RBMS1: variants seen among roughly 807,000 people sequenced by gnomAD.
RBMS1 encodes the protein RNA-binding motif, single-stranded-interacting protein 1.
Under a neutral mutation model 62.3 loss-of-function variants are expected in RBMS1, and 17 were observed. The observed-to-expected ratio is 0.27, with a 90% CI of 0.19 to 0.41. The LOEUF (loss-of-function observed/expected upper bound fraction) is 0.41. Among genes scored for constraint, RBMS1 ranks in the 10% least tolerant of loss-of-function variants. RBMS1 has a pLI of 1.00. For synonymous variants in RBMS1, 172 were observed against 170.0 expected (o/e 1.01, Z -0.09); for missense variants, 334 against 504.5 (o/e 0.66, Z 3.24).
At chr2:160,440,426 T>C (rs533852761) in intron 1 of RBMS1, among the ~76,000 whole-genome samples, 11 of 152,188 alleles carry the variant, frequency 7.2e-5, no homozygotes, top group African/African-American at 9.6e-5. Context: ...TACCAACTGA[T>C]CTTTCATCCA....
At chr2:160,448,123 A>G (rs1379285665) in intron 1 of RBMS1, among the ~76,000 whole-genome samples, 2 of 152,228 alleles carry the variant, frequency 1.3e-5, no homozygotes, top group Non-Finnish European at 2.9e-5. Flanking sequence ...AATTATCTTT[A>G]TATCCTTTTA....
At chr2:160,358,422 C>A (rs542779667) in intron 2 of RBMS1, among the ~76,000 whole-genome samples, 2 of 152,204 alleles carry the variant, frequency 1.3e-5, no homozygotes, top group South Asian at 4.1e-4. Flanking sequence ...TTGGTCTAAG[C>A]CCTCATTGTG....
chr2:160,401,351 ATTAAGTG>A (rs1324840623), intron 1 of RBMS1, among the ~76,000 whole-genome samples: 2 of 152,326 alleles, frequency 1.3e-5, no homozygotes, highest in South Asian at 2.1e-4. Flanking sequence ...CTGTCGTTAT[ATTAAGTG>A]TTAAGTCCCA....
At chr2:160,395,468 C>G (rs1695087451) in intron 1 of RBMS1, among the ~76,000 whole-genome samples, 1 of 151,866 alleles carries the variant, frequency 6.6e-6, no homozygotes, top group Non-Finnish European at 1.5e-5. Context: ...ACTAAAAATA[C>G]AAAAAATTAG....
Position 160,493,548 on chromosome 2 carries a change from C to CTCT in RBMS1, c.-186_-185insAGA. 1.7e-6 allele frequency: 1 copy of CTCT among 602,828 alleles called. No homozygotes were observed. Among genetic ancestry groups the CTCT allele is most frequent in the Non-Finnish European group, 2.9e-6 (1 of 341,946 alleles). The allele number at this position is 602,828 out of a possible 1,614,324, so 37.3% of individuals were successfully genotyped here. ...CCTCCTCCTCCTCCTCCTCTTCCTCCTCCTCCTCCTCCTCCTCCTCCTCTT... is the reference window on the plus strand; with the variant it reads ...CCTCCTCCTCCTCCTCCTCTTCCTCCTCTTCCTCCTCCTCCTCCTCCTCCTCTT... On this transcript the variant is annotated 5_prime_UTR_variant, in exon 1 of 14. Transcript: ENST00000348849.
At chr2:160,300,768 G>C in intron 5 of RBMS1, 38 bp from the exon 6 acceptor site, 1 of 1,495,160 alleles carries the variant, frequency 6.7e-7, no homozygotes, top group South Asian at 1.4e-5. Flanking sequence ...AATATTTAAA[G>C]GTTTCTTAAC....
rs1301256643 is a variant in RBMS1, at chr2:160,273,028, C to G, written c.*1744G>C. 1 of 152,182 alleles carries G rather than the reference C, an allele frequency of 6.6e-6. No homozygotes were observed. The highest frequency in any genetic ancestry group is 1.5e-5 in the Non-Finnish European group (1 of 68,044). 9.4% of individuals were successfully genotyped at this position (152,182 alleles called of 1,614,324 possible). On this transcript the variant is annotated 3_prime_UTR_variant, in exon 14 of 14. Coordinates refer to ENST00000348849, the MANE Select transcript of RBMS1 (RefSeq NM_016836.4). The stretch of plus-strand genomic sequence containing the variant: ...ATAGACTCTGAGGTAGATAACTGAT[C>G]ATACACAGCTGACCAGACAAGTACA...
chr2:160,346,018 A>G (rs1692155089), intron 2 of RBMS1, among the ~76,000 whole-genome samples: 1 of 152,112 alleles, frequency 6.6e-6, no homozygotes, highest in South Asian at 2.1e-4. Flanking sequence ...GGCACTCTCA[A>G]TAATATTTGT....
chr2:160,325,957 C>CAGAA (rs1690898718), intron 2 of RBMS1, among the ~76,000 whole-genome samples: 1 of 152,122 alleles, frequency 6.6e-6, no homozygotes, highest in Admixed American at 6.5e-5. Flanking sequence ...AAGATATTCC[C>CAGAA]CATTTCATTT....
At chr2:160,331,581 G>A (rs1691276625) in intron 2 of RBMS1, among the ~76,000 whole-genome samples, 2 of 152,188 alleles carry the variant, frequency 1.3e-5, no homozygotes, top group Non-Finnish European at 2.9e-5. Context: ...TTGACATTCA[G>A]AAGAAAGGAG....
At position 160,351,592 on chromosome 2, in the gene RBMS1, A is replaced by G. The variant is rs145769144; in HGVS notation, c.251+15624T>C. Among the ~76,000 whole-genome samples the G allele has an allele frequency of 1.8e-3, 281 of 152,220 alleles. 1 individual carries two copies. The highest frequency in any genetic ancestry group is 6.4e-3 in the African/African-American group (266 of 41,564). On this transcript the variant is annotated intron_variant, in intron 2 of 13. Transcript: ENST00000348849. ...ATCACATTTTAAAAAACTTTCAACAAAGATGTCAATCAAGCTAAAAGTTGC... is the reference window on the plus strand; with the variant it reads ...ATCACATTTTAAAAAACTTTCAACAGAGATGTCAATCAAGCTAAAAGTTGC...
At chr2:160,393,836 A>C (rs1694995534) in intron 1 of RBMS1, among the ~76,000 whole-genome samples, 1 of 150,960 alleles carries the variant, frequency 6.6e-6, no homozygotes, top group Non-Finnish European at 1.5e-5. Context: ...GCCAAGCTTC[A>C]CTGGCAGTCA....
chr2:160,418,421 G>T (rs1696289382), intron 1 of RBMS1, among the ~76,000 whole-genome samples: 1 of 152,032 alleles, frequency 6.6e-6, no homozygotes, highest in African/African-American at 2.4e-5. Context: ...AGGTAAATCA[G>T]ATAAAAAGAC....
intron 1 of RBMS1, among the ~76,000 whole-genome samples, chr2:160,445,706 C>T (rs945104199): frequency 2.0e-5 from 3 of 152,200 alleles, no homozygotes; most frequent in African/African-American, 7.2e-5. Context: ...TGTCTTGCTA[C>T]AATGCACATT....
At chr2:160,452,105 A>T (rs1684016429) in intron 1 of RBMS1, among the ~76,000 whole-genome samples, 1 of 152,200 alleles carries the variant, frequency 6.6e-6, no homozygotes, top group African/African-American at 2.4e-5. Context: ...AGTCCTTGTC[A>T]TCTGGATCTC....
chr2:160,438,384 T>G (rs1054153439), intron 1 of RBMS1, among the ~76,000 whole-genome samples: 19 of 151,804 alleles, frequency 1.3e-4, no homozygotes, highest in Non-Finnish European at 2.8e-4. Flanking sequence ...GTCTCTGGTT[T>G]TCCTAGGCAG....
chr2:160,343,532 T>A (rs1334765722), intron 2 of RBMS1, among the ~76,000 whole-genome samples: 1 of 152,140 alleles, frequency 6.6e-6, no homozygotes, highest in Non-Finnish European at 1.5e-5. Context: ...TAATTAAGGA[T>A]CATGTTACTG....
intron 1 of RBMS1, among the ~76,000 whole-genome samples, chr2:160,475,257 C>T (rs1390618274): frequency 3.3e-5 from 5 of 152,214 alleles, no homozygotes; most frequent in Admixed American, 6.5e-5. Context: ...ACACTTCATT[C>T]GCCTCTCCAC....
At chr2:160,418,185 G>C (rs1429209813) in intron 1 of RBMS1, among the ~76,000 whole-genome samples, 1 of 152,140 alleles carries the variant, frequency 6.6e-6, no homozygotes, top group Non-Finnish European at 1.5e-5. Context: ...AACATACCTT[G>C]AGAACATGAA....
Sources: allele counts gnomAD v4.1 joint callset (sites outside exome capture counted in the v4.1 genomes callset), GRCh38; gene constraint gnomAD v4.1.1; transcripts MANE v1.5; gene names NCBI Gene and HGNC (gene_info 2026-07-23, HGNC 2026-07-21).